Variants in GABRA5 observed in about 807,000 individuals in gnomAD.
The protein encoded by GABRA5 is gamma-aminobutyric acid receptor subunit alpha-5.
Under a neutral mutation model 47.3 loss-of-function variants are expected in GABRA5, and 18 were observed. The ratio of observed to expected loss-of-function variants is 0.38; its 90% CI spans 0.26 to 0.56. GABRA5 has a LOEUF of 0.56. Ranked by LOEUF, GABRA5 falls within the 20% of genes least tolerant of loss-of-function variation. The pLI, the probability that GABRA5 is intolerant of heterozygous loss-of-function variation, is 0.71. For missense variants in GABRA5, 365 were observed against 599.3 expected (o/e 0.61, Z 4.08); for synonymous variants, 237 against 229.3 (o/e 1.03, Z -0.30).
intron 3 of GABRA5, chr15:26,877,539 C>T (rs1313197963): frequency 2.9e-6 from 1 of 340,392 alleles, no homozygotes; most frequent in African/African-American, 2.2e-5. Flanking sequence ...AATACGTCTG[C>T]AGTTGCCATT....
chr15:26,874,826 T>G (rs965623414), intron 3 of GABRA5, among the ~76,000 whole-genome samples: 1 of 152,210 alleles, frequency 6.6e-6, no homozygotes, highest in Non-Finnish European at 1.5e-5. Flanking sequence ...ACCAGTTAAT[T>G]TTTAGTTTTA....
chr15:26,898,297 G>C (rs949245080), intron 6 of GABRA5, among the ~76,000 whole-genome samples: 1 of 122,616 alleles, frequency 8.2e-6, no homozygotes, highest in African/African-American at 3.0e-5. Flanking sequence ...CTGTACAGCT[G>C]TGCTGGTGAG....
intron 6 of GABRA5, 64 bp from the exon 7 acceptor site, chr15:26,914,739 T>TG: frequency 8.0e-7 from 1 of 1,256,672 alleles, no homozygotes; most frequent in Non-Finnish European, 1.2e-6. Flanking sequence ...TGGGACACGA[T>TG]GGTGGCTCAG....
chr15:26,905,875 G>T (rs945975983), intron 6 of GABRA5, among the ~76,000 whole-genome samples: 1 of 151,184 alleles, frequency 6.6e-6, no homozygotes, highest in African/African-American at 2.4e-5. Flanking sequence ...TATTTGTTGA[G>T]ACATTGTTCT....
intron 7 of GABRA5, among the ~76,000 whole-genome samples, chr15:26,927,690 T>C (rs1186810987): frequency 6.6e-6 from 1 of 152,230 alleles, no homozygotes; most frequent in East Asian, 1.9e-4. Context: ...TTACTAAAAA[T>C]AGATGCTTGG....
intron 8 of GABRA5, 89 bp downstream of exon 8, chr15:26,937,417 G>A: frequency 7.2e-7 from 1 of 1,394,698 alleles, no homozygotes; most frequent in Non-Finnish European, 9.5e-7. Flanking sequence ...TCTCTGCAGG[G>A]GCCACGTGGG....
intron 7 of GABRA5, among the ~76,000 whole-genome samples, chr15:26,934,859 C>A (rs1052925577): frequency 6.6e-6 from 1 of 152,196 alleles, no homozygotes; most frequent in African/African-American, 2.4e-5. Flanking sequence ...AGAGGACAGG[C>A]AGGGTCAACT....
At chr15:26,905,822 A>AT (rs1185906574) in intron 6 of GABRA5, among the ~76,000 whole-genome samples, 1 of 151,270 alleles carries the variant, frequency 6.6e-6, no homozygotes, top group Non-Finnish European at 1.5e-5. Context: ...CACCTCCAGA[A>AT]TTTTTTTGGT....
chr15:26,876,592 A>C (rs1186453730), intron 3 of GABRA5, among the ~76,000 whole-genome samples: 1 of 152,146 alleles, frequency 6.6e-6, no homozygotes, highest in African/African-American at 2.4e-5. Flanking sequence ...TGGCCTCCAG[A>C]AGAGAAGCTT....
At chr15:26,893,890 G>C (rs893755292) in intron 6 of GABRA5, among the ~76,000 whole-genome samples, 2 of 152,122 alleles carry the variant, frequency 1.3e-5, no homozygotes, top group Admixed American at 6.5e-5. Context: ...ATGTGCGCGC[G>C]GGGCGGCGGC....
chr15:26,872,531 G>A (rs1892498459), intron 3 of GABRA5, among the ~76,000 whole-genome samples: 1 of 152,198 alleles, frequency 6.6e-6, no homozygotes, highest in Non-Finnish European at 1.5e-5. Flanking sequence ...AGTGGAGAGA[G>A]TTTTCAGTAC....
intron 7 of GABRA5, among the ~76,000 whole-genome samples, chr15:26,927,911 T>G (rs1312281091): frequency 6.6e-6 from 1 of 152,210 alleles, no homozygotes; most frequent in African/African-American, 2.4e-5. Context: ...TCTCTACTCT[T>G]AAGAATTCCA....
chr15:26,883,641 CGGAGCTGTTCTGACCATAGGTCT>C lies in GABRA5; in HGVS notation c.497+86_497+108del. 2.7e-6 allele frequency: 3 copies of C among 1,114,746 alleles called. No individual in the cohort carries two copies. Among genetic ancestry groups the C allele is most frequent in the Non-Finnish European group, 3.7e-6 (3 of 806,764 alleles). 69.1% of individuals were successfully genotyped at this position (1,114,746 alleles called of 1,614,324 possible). On this transcript the variant is annotated intron_variant, in intron 6 of 10. Coordinates refer to ENST00000335625, the MANE Select transcript of GABRA5 (RefSeq NM_000810.4). This position sits in a 1 kb window ranked among gnomAD's most constrained non-coding sequence, Gnocchi z 4.8. ...CCATCCTGCCGCAAGAGCTGCGCCGCGGAGCTGTTCTGACCATAGGTCTGAGACTGCGGCGCGTGTGTGCTGGG... is the reference window on the plus strand; with the variant it reads ...CCATCCTGCCGCAAGAGCTGCGCCGCGAGACTGCGGCGCGTGTGTGCTGGG...
At chr15:26,921,996 G>A (rs1215132321) in intron 7 of GABRA5, among the ~76,000 whole-genome samples, 1 of 151,988 alleles carries the variant, frequency 6.6e-6, no homozygotes, top group Non-Finnish European at 1.5e-5. Context: ...TGTGAGCATT[G>A]TTTTATGCAC....
At chr15:26,914,709 A>C in intron 6 of GABRA5, 94 bp from the exon 7 acceptor site, 1 of 900,790 alleles carries the variant, frequency 1.1e-6, no homozygotes, top group Admixed American at 2.0e-5. Context: ...TAATTTTTAA[A>C]AGTACTTAAT....
At chr15:26,880,698 A>G (rs550675398) in intron 3 of GABRA5, 148 bp from the exon 4 acceptor site, 120 of 714,890 alleles carry the variant, frequency 1.7e-4, no homozygotes, top group Non-Finnish European at 2.4e-4. Context: ...TCAAGGCCAA[A>G]CAATCCCCTA....
At chr15:26,901,572 G>A (rs1893328292) in intron 6 of GABRA5, among the ~76,000 whole-genome samples, 1 of 152,034 alleles carries the variant, frequency 6.6e-6, no homozygotes, top group African/African-American at 2.4e-5. Context: ...TGTCATATAT[G>A]CCTTCTGCAA....
At chr15:26,891,654 CAG>C (rs1435382560) in intron 6 of GABRA5, among the ~76,000 whole-genome samples, 1 of 152,208 alleles carries the variant, frequency 6.6e-6, no homozygotes, top group Non-Finnish European at 1.5e-5. Flanking sequence ...TTCATGTCTG[CAG>C]AGTGTTCCTG....
At chr15:26,902,643 G>T (rs149152429) in intron 6 of GABRA5, among the ~76,000 whole-genome samples, 7,122 of 151,718 alleles carry the variant, frequency 0.047, 178 homozygotes, top group African/African-American at 0.067. Flanking sequence ...TCCTTTACTT[G>T]TCTTATTACA....
Sources: allele counts gnomAD v4.1 joint callset (sites outside exome capture counted in the v4.1 genomes callset), GRCh38; gene constraint gnomAD v4.1.1; non-coding constraint Gnocchi (gnomAD v3.1); transcripts MANE v1.5; gene names NCBI Gene and HGNC (gene_info 2026-07-23, HGNC 2026-07-21).